PTPRO: variants seen among roughly 807,000 people sequenced by gnomAD.
PTPRO encodes protein tyrosine phosphatase receptor type O.
In PTPRO, 62 loss-of-function variants were observed where a neutral mutation model predicts 145.2. That is an observed-to-expected ratio of 0.43 (90% CI 0.35 to 0.53). The LOEUF is 0.53. PTPRO is among the 20% of genes least tolerant of loss of function. The probability of loss-of-function intolerance (pLI) is 0.01; values close to 1 mark genes in which losing one functional copy is unlikely to be tolerated. For missense variants in PTPRO, 1,345 were observed against 1,482.7 expected (o/e 0.91, Z 1.53); for synonymous variants, 565 against 514.7 (o/e 1.10, Z -1.32).
At chr12:15,474,114 T>C (rs1941603069) in intron 1 of PTPRO, among the ~76,000 whole-genome samples, 1 of 152,156 alleles carries the variant, frequency 6.6e-6, no homozygotes, top group African/African-American at 2.4e-5. Flanking sequence ...TTCTAAGGAT[T>C]GCTGTGAGGA....
chr12:15,560,324 C>T lies in PTPRO; in HGVS notation c.2711+48C>T, dbSNP rs1425151945. On this transcript the variant is annotated intron_variant, in intron 17 of 26. Coordinates refer to ENST00000281171, the MANE Select transcript of PTPRO (RefSeq NM_030667.3). ...TTAACACAAACTCTTTAAAAGTTAG[C>T]TTTCAAGAAGTAAACAAAAAGGAAA... 8 of 1,393,820 alleles carry T rather than the reference C, an allele frequency of 5.7e-6. No homozygotes were observed. In the Admixed American group the frequency reaches 1.0e-4, roughly 18 times the overall value. The allele number at this position is 1,393,820 out of a possible 1,614,324, so 86.3% of individuals were successfully genotyped here.
chr12:15,363,362 G>C (rs1938266273), intron 1 of PTPRO, among the ~76,000 whole-genome samples: 1 of 152,104 alleles, frequency 6.6e-6, no homozygotes, highest in Admixed American at 6.5e-5. Context: ...TGCAACACTG[G>C]CTGGGCTACA....
At chr12:15,552,895 G>A (rs1943507488) in intron 15 of PTPRO, among the ~76,000 whole-genome samples, 1 of 147,192 alleles carries the variant, frequency 6.8e-6, no homozygotes, top group Non-Finnish European at 1.5e-5. Flanking sequence ...TGCTTCTCAG[G>A]TTCAAGCGAT....
Position 15,515,561 on chromosome 12 carries a change from T to C in PTPRO, c.1528T>C (p.Tyr510His). The C allele has an allele frequency of 1.9e-6, 3 of 1,614,024 alleles. No homozygotes were observed. Among genetic ancestry groups the C allele is most frequent in the Non-Finnish European group, 2.5e-6 (3 of 1,179,936 alleles). ...VPGAQYQVVI[Y>H]LRKGPLIGPP... ...TGGTGCCCAGTACCAGGTTGTAATA[T>C]ACCTAAGGAAAGGCCCTTTGATTGG... Residue 510 changes from tyrosine to histidine, a missense_variant, in exon 8 of 27, where the codon TAC (tyrosine) becomes CAC (histidine). Around this residue, in one of 3 missense-constraint regions of PTPRO, gnomAD observed 1,130 missense variants for 1,214.7 expected, o/e 0.93. Transcript: ENST00000281171.
At chr12:15,346,143 C>G (rs1867203461) in intron 1 of PTPRO, among the ~76,000 whole-genome samples, 1 of 152,002 alleles carries the variant, frequency 6.6e-6, no homozygotes, top group African/African-American at 2.4e-5. Context: ...TGTCTGTATT[C>G]TCTGACAAAC....
chr12:15,513,177 G>C lies in PTPRO; in HGVS notation c.1465-2321G>C, dbSNP rs1488900250. On this transcript the variant is annotated intron_variant, in intron 7 of 26. Transcript: ENST00000281171. Reference sequence around the variant, plus strand: ...AAAGAAAAAGAAAGAAAGAAAGAAAGAAAGAAAGAAAGAAAGAAAGAAAGA... The same window carrying C: ...AAAGAAAAAGAAAGAAAGAAAGAAACAAAGAAAGAAAGAAAGAAAGAAAGA... 3.5e-5 allele frequency among the ~76,000 whole-genome samples: 3 copies of C among 84,732 alleles called. 1 individual carries two copies. Among genetic ancestry groups the C allele is most frequent in the Non-Finnish European group, 6.7e-5 (3 of 44,836 alleles). The allele number at this position is 84,732 out of a possible 152,430, so 55.6% of individuals were successfully genotyped here.
At chr12:15,537,075 G>A (rs1179296865) in intron 12 of PTPRO, among the ~76,000 whole-genome samples, 1 of 152,120 alleles carries the variant, frequency 6.6e-6, no homozygotes, top group Admixed American at 6.6e-5. Context: ...AAAGACAGAG[G>A]TTTGATTTAT....
chr12:15,468,742 G>A (rs73059071), intron 1 of PTPRO, among the ~76,000 whole-genome samples: 35,101 of 152,142 alleles, frequency 0.23, 4,492 homozygotes, highest in Admixed American at 0.32. Context: ...TCAGCAAGAA[G>A]CATACAGCAG....
intron 1 of PTPRO, among the ~76,000 whole-genome samples, chr12:15,453,513 G>C (rs1195303186): frequency 6.6e-6 from 1 of 152,126 alleles, no homozygotes; most frequent in Non-Finnish European, 1.5e-5. Flanking sequence ...TAACATAGCA[G>C]ATAACTAAGT....
chr12:15,501,913 A>G lies in PTPRO; in HGVS notation c.955A>G (p.Met319Val), dbSNP rs766375431. ...AGATGAATTTGTCAGCGTACTTCCCATGGAATACGAAAATAACAGTACACT... is the reference window on the plus strand; with the variant it reads ...AGATGAATTTGTCAGCGTACTTCCCGTGGAATACGAAAATAACAGTACACT... ...SEDEFVSVLP[M>V]EYENNSTLSE... Residue 319 changes from methionine to valine, a missense_variant, in exon 5 of 27, where the codon ATG becomes GTG. Transcript: ENST00000281171. 1.2e-5 allele frequency: 20 copies of G among 1,614,052 alleles called. No individual in the cohort carries two copies. Among genetic ancestry groups the G allele is most frequent in the Non-Finnish European group, 1.6e-5 (19 of 1,179,976 alleles).
chr12:15,343,698 T>C (rs950486244), intron 1 of PTPRO, among the ~76,000 whole-genome samples: 2 of 152,012 alleles, frequency 1.3e-5, no homozygotes, highest in Non-Finnish European at 2.9e-5. Context: ...AAAATAAATA[T>C]ATATATATTT....
intron 25 of PTPRO, among the ~76,000 whole-genome samples, chr12:15,591,926 G>A (rs1046211326): frequency 1.3e-5 from 2 of 151,866 alleles, no homozygotes; most frequent in African/African-American, 4.8e-5. Flanking sequence ...AAAAAATAAA[G>A]TGCAGTATCC....
chr12:15,461,495 C>T (rs1430385821), intron 1 of PTPRO, among the ~76,000 whole-genome samples: 3 of 150,176 alleles, frequency 2.0e-5, no homozygotes, highest in Non-Finnish European at 3.0e-5. Flanking sequence ...GAGTGTGACT[C>T]TTTTTGTCAA....
chr12:15,490,997 C>A (rs1941988827), intron 2 of PTPRO, among the ~76,000 whole-genome samples: 1 of 152,158 alleles, frequency 6.6e-6, no homozygotes, highest in African/African-American at 2.4e-5. Context: ...ATGATGAGAA[C>A]TTGAACTAAG....
At chr12:15,425,677 G>T (rs571462107) in intron 1 of PTPRO, among the ~76,000 whole-genome samples, 1 of 152,154 alleles carries the variant, frequency 6.6e-6, no homozygotes, top group South Asian at 2.1e-4. Context: ...ATTATTTATT[G>T]CAGTAACCAC....
At chr12:15,381,168 A>G (rs538397593) in intron 1 of PTPRO, among the ~76,000 whole-genome samples, 1 of 152,218 alleles carries the variant, frequency 6.6e-6, no homozygotes, top group East Asian at 1.9e-4. Flanking sequence ...AGTTTATATT[A>G]GCTAAATATT....
chr12:15,353,421 T>TA (rs1937877316), intron 1 of PTPRO, among the ~76,000 whole-genome samples: 2 of 152,094 alleles, frequency 1.3e-5, no homozygotes, highest in Non-Finnish European at 2.9e-5. Flanking sequence ...GCAGTTTTTT[T>TA]TTTTACATTA....
chr12:15,348,796 A>G (rs1401990011), intron 1 of PTPRO: 4 of 152,122 alleles, frequency 2.6e-5, no homozygotes, highest in Non-Finnish European at 4.4e-5. Flanking sequence ...AAAAAAAAAA[A>G]AAAATTATAG....
At chr12:15,554,594 G>A (rs960996960) in intron 15 of PTPRO, among the ~76,000 whole-genome samples, 3 of 152,078 alleles carry the variant, frequency 2.0e-5, no homozygotes, top group African/African-American at 7.2e-5. Context: ...TGAAGGGCAG[G>A]AAGCGTCCAG....
Sources: gnomAD v4.1 joint callset for allele counts (sites outside exome capture counted in the v4.1 genomes callset) on GRCh38, gnomAD v4.1.1 for gene constraint, gnomAD v4.1.1 regional missense constraint, MANE v1.5 for transcripts, NCBI Gene and HGNC (gene_info 2026-07-23, HGNC 2026-07-21) for gene names.